PEPD: variants seen among roughly 807,000 people sequenced by gnomAD.
PEPD encodes the protein xaa-Pro dipeptidase.
PEPD carries 53 observed loss-of-function variants against 60.7 expected under a neutral mutation model. The ratio of observed to expected loss-of-function variants is 0.87; its 90% CI spans 0.70 to 1.10. The LOEUF is 1.10. Among genes scored for constraint, PEPD ranks in the 50% least tolerant of loss-of-function variants. The probability of loss-of-function intolerance (pLI) is 0.00; values close to 1 mark genes in which losing one functional copy is unlikely to be tolerated. For synonymous variants in PEPD, 267 were observed against 284.1 expected (o/e 0.94, Z 0.60); for missense variants, 711 against 711.9 (o/e 1.00, Z 0.01).
intron 7 of PEPD, among the ~76,000 whole-genome samples, chr19:33,466,517 TAGAAGAACAAGCTAACC>T (rs1443230300): frequency 6.6e-6 from 1 of 152,154 alleles, no homozygotes; most frequent in Non-Finnish European, 1.5e-5. Context: ...AATATGGGGA[TAGAAGAACAAGCTAACC>T]ACCAACACAA....
chr19:33,494,923 A>G lies in PEPD; in HGVS notation c.394-1586T>C, dbSNP rs554165953. Among the ~76,000 whole-genome samples the G allele has an allele frequency of 9.8e-5, 15 of 152,334 alleles. No homozygotes were observed. The East Asian group carries it at 2.1e-3, about 22-fold the overall frequency. ...GACAGGGCAGGCAGATCACGAGGTC[A>G]GGAGATCGAGACCATCCTGGCTAAA... On this transcript the variant is annotated intron_variant, in intron 4 of 14. Transcript: ENST00000244137.
chr19:33,398,459 C>T (rs139638603), intron 12 of PEPD, among the ~76,000 whole-genome samples: 43 of 152,324 alleles, frequency 2.8e-4, no homozygotes, highest in African/African-American at 7.7e-4. Context: ...CAGCCCTGTA[C>T]GTGAAGGGTG....
intron 11 of PEPD, among the ~76,000 whole-genome samples, chr19:33,404,667 A>C (rs1968577575): frequency 3.3e-5 from 5 of 152,172 alleles, no homozygotes; most frequent in Admixed American, 3.3e-4. Context: ...CTTGTAGAAG[A>C]CTGTAACTGC....
At chr19:33,420,809 C>T (rs1968999443) in intron 9 of PEPD, among the ~76,000 whole-genome samples, 1 of 152,150 alleles carries the variant, frequency 6.6e-6, no homozygotes, top group African/African-American at 2.4e-5. Context: ...TCAAATCCTA[C>T]AGACACAGCA....
chr19:33,446,412 G>A (rs1488412433), intron 9 of PEPD, among the ~76,000 whole-genome samples: 4 of 152,180 alleles, frequency 2.6e-5, no homozygotes, highest in Non-Finnish European at 4.4e-5. Flanking sequence ...CATCCTCACC[G>A]GACGGGTCAT....
At chr19:33,409,746 C>G (rs1968720522) in intron 11 of PEPD, among the ~76,000 whole-genome samples, 2 of 152,154 alleles carry the variant, frequency 1.3e-5, no homozygotes, top group Non-Finnish European at 2.9e-5. Flanking sequence ...GGGCTGCCAC[C>G]CCCTCTCCTG....
At chr19:33,418,546 G>A (rs1968939829) in intron 9 of PEPD, among the ~76,000 whole-genome samples, 1 of 152,100 alleles carries the variant, frequency 6.6e-6, no homozygotes, top group South Asian at 2.1e-4. Context: ...CCTTCTTCTG[G>A]GGTGACCAGT....
At chr19:33,393,164 G>A (rs113440856) in intron 12 of PEPD, among the ~76,000 whole-genome samples, 1,506 of 149,778 alleles carry the variant, frequency 0.01, 24 homozygotes, top group African/African-American at 0.036. Context: ...CGGCCGTCCC[G>A]GGGTCTGGGG....
At chr19:33,407,104 T>A (rs1173974416) in intron 11 of PEPD, among the ~76,000 whole-genome samples, 1 of 152,172 alleles carries the variant, frequency 6.6e-6, no homozygotes, top group African/African-American at 2.4e-5. Context: ...CTGGGACACG[T>A]GCTCTAGAAA....
chr19:33,404,816 C>CG (rs1213102376), intron 11 of PEPD, among the ~76,000 whole-genome samples: 1 of 138,252 alleles, frequency 7.2e-6, no homozygotes, highest in Non-Finnish European at 1.6e-5. Flanking sequence ...CTTTTTCTGC[C>CG]TTAAAAAAAT....
intron 9 of PEPD, among the ~76,000 whole-genome samples, chr19:33,425,954 T>C (rs11084732): frequency 1 from 152,309 of 152,376 alleles, 76,121 homozygotes; most frequent in Middle Eastern, 1. Flanking sequence ...GGACTACTGG[T>C]GTGCACAACC....
At chr19:33,446,096 C>T (rs1233475526) in intron 9 of PEPD, among the ~76,000 whole-genome samples, 1 of 152,148 alleles carries the variant, frequency 6.6e-6, no homozygotes, top group Admixed American at 6.5e-5. Context: ...TGCCGTAAAT[C>T]AAAAGACAGT....
chr19:33,433,016 GA>G (rs1325616364), intron 9 of PEPD, among the ~76,000 whole-genome samples: 4 of 152,352 alleles, frequency 2.6e-5, no homozygotes, highest in African/African-American at 9.6e-5. Context: ...GGGTTCCCTT[GA>G]GTGAAAACAC....
intron 7 of PEPD, among the ~76,000 whole-genome samples, chr19:33,474,691 A>C (rs1358522892): frequency 1.3e-5 from 2 of 152,112 alleles, no homozygotes; most frequent in Non-Finnish European, 2.9e-5. Flanking sequence ...CTCAAAAAAA[A>C]AGTGCCAGGC....
intron 9 of PEPD, 54 bp downstream of exon 9, chr19:33,462,941 A>G: frequency 8.8e-7 from 1 of 1,130,484 alleles, no homozygotes; most frequent in South Asian, 1.2e-5. Flanking sequence ...CTCAGGGAAC[A>G]TAAATTACTG....
intron 1 of PEPD, among the ~76,000 whole-genome samples, chr19:33,516,584 C>T (rs1281047950): frequency 6.6e-6 from 1 of 152,042 alleles, no homozygotes; most frequent in Non-Finnish European, 1.5e-5. Flanking sequence ...TCTCTGTCTC[C>T]ACACAACCCA....
intron 9 of PEPD, among the ~76,000 whole-genome samples, chr19:33,450,755 G>T (rs1969681777): frequency 6.6e-6 from 1 of 152,182 alleles, no homozygotes; most frequent in Non-Finnish European, 1.5e-5. Flanking sequence ...AGGGGAAAGG[G>T]AGATTATAAA....
chr19:33,394,917 G>C (rs182052732), intron 12 of PEPD, among the ~76,000 whole-genome samples: 6 of 152,292 alleles, frequency 3.9e-5, no homozygotes, highest in African/African-American at 1.4e-4. Context: ...AGTCTGCCTG[G>C]CTCCCTCCTC....
chr19:33,459,813 C>A (rs1969893785), intron 9 of PEPD, among the ~76,000 whole-genome samples: 1 of 152,114 alleles, frequency 6.6e-6, no homozygotes, highest in Non-Finnish European at 1.5e-5. Context: ...TCGAGAAAAC[C>A]AGCCCTGACT....
Sources: gnomAD v4.1 joint callset for allele counts (sites outside exome capture counted in the v4.1 genomes callset) on GRCh38, gnomAD v4.1.1 for gene constraint, MANE v1.5 for transcripts, NCBI Gene and HGNC (gene_info 2026-07-23, HGNC 2026-07-21) for gene names.